PRR5: variants seen among roughly 807,000 people sequenced by gnomAD.
The protein encoded by PRR5 is proline-rich protein 5.
Under a neutral mutation model 30.6 loss-of-function variants are expected in PRR5, and 25 were observed. The observed-to-expected ratio is 0.82, with a 90% CI of 0.60 to 1.14. The LOEUF (loss-of-function observed/expected upper bound fraction) is 1.14, where lower values mean the gene tolerates loss of function less well. Among genes scored for constraint, PRR5 ranks in the 50% most tolerant of loss-of-function variants. The probability of loss-of-function intolerance (pLI) is 0.00; values close to 1 mark genes in which losing one functional copy is unlikely to be tolerated. For synonymous variants in PRR5, 286 were observed against 247.1 expected, an observed-to-expected ratio of 1.16 and a Z score of -1.48; for missense variants, 600 against 547.1, an observed-to-expected ratio of 1.10 and a Z score of -0.96.
intron 1 of PRR5, among the ~76,000 whole-genome samples, chr22:44,696,660 A>G (rs1925772152): frequency 6.6e-6 from 1 of 152,218 alleles, no homozygotes; most frequent in Non-Finnish European, 1.5e-5. Context: ...GAAGACTTAA[A>G]GGAAGCGGTC....
upstream of PRR5, among the ~76,000 whole-genome samples, chr22:44,698,057 TC>T (rs1398711700): frequency 2.6e-5 from 4 of 152,270 alleles, 1 homozygote; most frequent in South Asian, 4.2e-4. Context: ...ACTGGTCTGT[TC>T]CTGTCCCCTG....
intron 1 of PRR5, among the ~76,000 whole-genome samples, chr22:44,690,621 G>T (rs1222973136): frequency 6.6e-6 from 1 of 152,178 alleles, no homozygotes; most frequent in Non-Finnish European, 1.5e-5. Context: ...CAAGCAGAGG[G>T]AATCAGCCCG....
At chr22:44,728,755 T>TG (rs1440556477) in intron 4 of PRR5, among the ~76,000 whole-genome samples, 1 of 152,226 alleles carries the variant, frequency 6.6e-6, no homozygotes, top group Non-Finnish European at 1.5e-5. Flanking sequence ...GCCTGCTCCT[T>TG]GCAGCTGTCC....
In PRR5 at chr22:44,735,073, A is replaced by G; in HGVS notation, c.602A>G (p.Glu201Gly). ...RGVTEDYLRL[E>G]TLVQKVVSPY... ...GTGACTGAGGACTACCTGCGCCTGG[A>G]GACGCTGGTCCAGAAGGTGGTGTCG... The change falls in exon 7 of 8, where the codon GAG becomes GGG. Residue 201 changes from glutamate (E) to glycine (G), a missense_variant. Glu to Gly is a moderately conservative substitution (Grantham distance 98). Coordinates refer to ENST00000336985, the MANE Select transcript of PRR5 (RefSeq NM_181333.4). 6.2e-7 allele frequency: 1 copy of G among 1,612,188 alleles called. No individual in the cohort carries two copies. Among genetic ancestry groups the G allele is most frequent in the Non-Finnish European group, 8.5e-7 (1 of 1,179,064 alleles).
At position 44,737,587 on chromosome 22, in the gene PRR5, G is replaced by A. The variant is rs3414; in HGVS notation, c.*340G>A. ...AAACCCAGTGGGCTCTGCCCACGCC[G>A]GGCCCCAAAGTGACCAGACTCCAGC... On this transcript the variant is annotated 3_prime_UTR_variant, in exon 8 of 8. Transcript: ENST00000336985. 0.057 allele frequency: 15,486 copies of A among 271,502 alleles called. 640 individuals carry two copies. The highest frequency in any genetic ancestry group is 0.18 in the East Asian group (2,463 of 13,928). 16.8% of individuals were successfully genotyped at this position (271,502 alleles called of 1,614,324 possible). A position where few individuals can be genotyped will look rare whatever the true frequency, so the allele number is the denominator to read the frequency against.
intron 6 of PRR5, chr22:44,734,075 C>T (rs1922737407): frequency 6.6e-6 from 1 of 152,204 alleles, no homozygotes; most frequent in Admixed American, 6.5e-5. Context: ...AGATTGAGAC[C>T]ATCCTGGCCA....
chr22:44,732,936 TAC>T (rs71817342), intron 6 of PRR5, among the ~76,000 whole-genome samples: 6,410 of 110,022 alleles, frequency 0.058, 214 homozygotes, highest in Admixed American at 0.11. Flanking sequence ...ACGCACATAC[TAC>T]ACACGTGTGC....
chr22:44,737,357 T>G lies in PRR5; in HGVS notation c.*110T>G. Reference sequence around the variant, plus strand: ...TTACTGCGTCCCGTCCCGCCAGCCCTATCGGCCTCGTCACTGGCCTTGGTC... The same window carrying G: ...TTACTGCGTCCCGTCCCGCCAGCCCGATCGGCCTCGTCACTGGCCTTGGTC... On this transcript the variant is annotated 3_prime_UTR_variant, in exon 8 of 8. Coordinates refer to ENST00000336985, the MANE Select transcript of PRR5 (RefSeq NM_181333.4). 6.9e-7 allele frequency: 1 copy of G among 1,450,270 alleles called. No homozygotes were observed. The highest frequency in any genetic ancestry group is 9.1e-7 in the Non-Finnish European group (1 of 1,102,768). 89.8% of individuals were successfully genotyped at this position (1,450,270 alleles called of 1,614,324 possible).
intron 1 of PRR5, among the ~76,000 whole-genome samples, chr22:44,703,746 G>A (rs868444472): frequency 6.6e-6 from 1 of 152,148 alleles, no homozygotes; most frequent in African/African-American, 2.4e-5. Flanking sequence ...CACCAGGCAC[G>A]GCGGCTCACA....
intron 1 of PRR5, among the ~76,000 whole-genome samples, chr22:44,678,276 A>C (rs1923945674): frequency 6.8e-6 from 1 of 147,246 alleles, no homozygotes. Context: ...TCCTATGCCT[A>C]GTCTGATTTT....
At chr22:44,729,212 C>A in intron 4 of PRR5, 1 of 812,298 alleles carries the variant, frequency 1.2e-6, no homozygotes, top group Non-Finnish European at 1.5e-6. Context: ...GCGCCAGACA[C>A]CCTTGACCTG....
At chr22:44,718,485 G>A (rs563233961) in intron 2 of PRR5, among the ~76,000 whole-genome samples, 99 of 152,230 alleles carry the variant, frequency 6.5e-4, no homozygotes, top group African/African-American at 2.3e-3. Context: ...CTGAGCCACC[G>A]CAACTGGCCT....
At chr22:44,709,948 G>A (rs987717936) in intron 1 of PRR5, among the ~76,000 whole-genome samples, 1 of 152,190 alleles carries the variant, frequency 6.6e-6, no homozygotes, top group Non-Finnish European at 1.5e-5. Context: ...AATTTGTTAT[G>A]GCCGCCACGG....
chr22:44,693,949 A>ACAT (rs1925522873), intron 1 of PRR5, among the ~76,000 whole-genome samples: 2 of 152,096 alleles, frequency 1.3e-5, no homozygotes, highest in South Asian at 4.2e-4. Flanking sequence ...TCTTATAAGG[A>ACAT]CATCAGTCAC....
chr22:44,731,148 C>A, intron 4 of PRR5: 1 of 272,616 alleles, frequency 3.7e-6, no homozygotes. Context: ...CTGTGCCAGG[C>A]ACACCTGTGT....
chr22:44,729,388 C>G, intron 4 of PRR5: 1 of 985,172 alleles, frequency 1.0e-6, no homozygotes, highest in Non-Finnish European at 1.2e-6. Flanking sequence ...AGCGAGAACC[C>G]CAGAGTGGGA....
At chr22:44,730,856 A>G in intron 4 of PRR5, 1 of 444,778 alleles carries the variant, frequency 2.2e-6, no homozygotes, top group Non-Finnish European at 4.5e-6. Context: ...TCGGAGGCTC[A>G]GCCTCTGTCT....
upstream of PRR5, among the ~76,000 whole-genome samples, chr22:44,697,784 G>T: frequency 6.6e-6 from 1 of 152,202 alleles, no homozygotes; most frequent in East Asian, 1.9e-4. Context: ...CATACGCCTC[G>T]GCCTCCCTGG....
Position 44,736,461 on chromosome 22 carries a change from G to A in PRR5, c.692-311G>A, listed in dbSNP as rs924266094. On this transcript the variant is annotated intron_variant, in intron 7 of 7. Coordinates refer to ENST00000336985, the MANE Select transcript of PRR5 (RefSeq NM_181333.4). ...AAAGTCCATACACTTCCACAAGTGG[G>A]GAAACTGAGGCACGGGGGTGAGGTA... Among the ~76,000 whole-genome samples the A allele has an allele frequency of 2.0e-5, 3 of 151,750 alleles. No homozygotes were observed. The Admixed American group carries it at 2.0e-4, about 10-fold the overall frequency.
Sources: gnomAD v4.1 joint callset for allele counts (sites outside exome capture counted in the v4.1 genomes callset) on GRCh38, gnomAD v4.1.1 for gene constraint, MANE v1.5 for transcripts, NCBI Gene and HGNC (gene_info 2026-07-23, HGNC 2026-07-21) for gene names.